CHLSN: variants seen among roughly 807,000 people sequenced by gnomAD.
The protein encoded by CHLSN is cholesin.
the CHLSN span, among the ~76,000 whole-genome samples, chr7:1,022,492 A>T: frequency 6.6e-6 from 1 of 152,214 alleles, no homozygotes; most frequent in South Asian, 2.1e-4. Context: ...TTTTAAATTA[A>T]GCCTTTTATT....
the CHLSN span, among the ~76,000 whole-genome samples, chr7:1,095,880 A>G: frequency 6.6e-6 from 1 of 152,316 alleles, no homozygotes. Context: ...ATGGGCATCG[A>G]GGGGTCACCC....
the CHLSN span, among the ~76,000 whole-genome samples, chr7:1,115,162 C>T: frequency 5.3e-5 from 8 of 152,336 alleles, no homozygotes; most frequent in African/African-American, 1.9e-4. Context: ...AAAGATATGC[C>T]TCATTTTATA....
At chr7:1,040,182 T>TA in the CHLSN span, among the ~76,000 whole-genome samples, 42 of 96,102 alleles carry the variant, frequency 4.4e-4, 2 homozygotes, top group African/African-American at 1.2e-3. Flanking sequence ...AAAAATAAAT[T>TA]TAAAAAAAAA....
At chr7:1,055,260 T>C in the CHLSN span, 4 of 471,128 alleles carry the variant, frequency 8.5e-6, no homozygotes, top group Admixed American at 9.4e-5. Flanking sequence ...GCAGAGGCCC[T>C]GCGGGGAACT....
At chr7:1,115,400 G>A in the CHLSN span, among the ~76,000 whole-genome samples, 5 of 152,256 alleles carry the variant, frequency 3.3e-5, no homozygotes, top group Non-Finnish European at 7.3e-5. Flanking sequence ...ATTTAACACA[G>A]AGAACAGGAA....
chr7:1,135,932 T>C, the CHLSN span, among the ~76,000 whole-genome samples: 1 of 122,940 alleles, frequency 8.1e-6, no homozygotes, highest in South Asian at 2.2e-4. Context: ...TATATATAAA[T>C]ATATAAGTAT....
chr7:1,137,365 A>G, the CHLSN span: 1 of 152,658 alleles, frequency 6.6e-6, no homozygotes, highest in East Asian at 1.9e-4. Flanking sequence ...TCCAGAATGG[A>G]AGTTCACTAG....
chr7:1,016,722 CACACA>C, the CHLSN span, among the ~76,000 whole-genome samples: 9 of 121,466 alleles, frequency 7.4e-5, no homozygotes, highest in African/African-American at 2.7e-4. Flanking sequence ...CGCACAGCAG[CACACA>C]GCAGCACACG....
At chr7:987,658 A>G in the CHLSN span, 1 of 950,100 alleles carries the variant, frequency 1.1e-6, no homozygotes, top group Admixed American at 2.9e-5. Flanking sequence ...ACCGGAGGCA[A>G]TAAAGGGCGT....
At chr7:1,107,231 T>G in the CHLSN span, among the ~76,000 whole-genome samples, 1 of 152,046 alleles carries the variant, frequency 6.6e-6, no homozygotes, top group Admixed American at 6.6e-5. Context: ...TGCAACCCAC[T>G]ATCCCCAAGC....
the CHLSN span, among the ~76,000 whole-genome samples, chr7:978,347 A>G: frequency 6.6e-6 from 1 of 152,126 alleles, no homozygotes; most frequent in Admixed American, 6.6e-5. Flanking sequence ...CTGAAACCCT[A>G]CGTCTATAAA....
At chr7:1,117,700 G>A in the CHLSN span, among the ~76,000 whole-genome samples, 4 of 142,192 alleles carry the variant, frequency 2.8e-5, no homozygotes, top group East Asian at 2.1e-4. Flanking sequence ...ACAGCTCTAC[G>A]GACCGGCTTC....
the CHLSN span, among the ~76,000 whole-genome samples, chr7:1,031,915 C>G: frequency 6.6e-6 from 1 of 152,002 alleles, no homozygotes; most frequent in Non-Finnish European, 1.5e-5. Context: ...GGGAACGGGC[C>G]GAGAGTGCGG....
At chr7:1,012,887 C>T in the CHLSN span, among the ~76,000 whole-genome samples, 1 of 152,250 alleles carries the variant, frequency 6.6e-6, no homozygotes, top group Non-Finnish European at 1.5e-5. Context: ...GCTCACTGTC[C>T]TGGACCAGGC....
the CHLSN span, among the ~76,000 whole-genome samples, chr7:1,042,242 A>C: frequency 6.6e-6 from 1 of 152,194 alleles, no homozygotes; most frequent in African/African-American, 2.4e-5. Context: ...CACGGCACAC[A>C]GCCACAAACA....
the CHLSN span, among the ~76,000 whole-genome samples, chr7:1,126,746 G>A: frequency 6.6e-6 from 1 of 152,144 alleles, no homozygotes; most frequent in African/African-American, 2.4e-5. Context: ...AGTGAATGGT[G>A]GTGGATACTC....
the CHLSN span, among the ~76,000 whole-genome samples, chr7:1,057,320 G>A: frequency 6.6e-6 from 1 of 152,112 alleles, no homozygotes; most frequent in Admixed American, 6.5e-5. Context: ...GACCCGAGAC[G>A]GCCATTTTTC....
the CHLSN span, among the ~76,000 whole-genome samples, chr7:1,095,883 G>A: frequency 6.6e-6 from 1 of 152,234 alleles, no homozygotes; most frequent in Admixed American, 6.5e-5. Context: ...GGCATCGAGG[G>A]GTCACCCAAG....
the CHLSN span, among the ~76,000 whole-genome samples, chr7:985,789 G>T: frequency 2.0e-5 from 3 of 152,190 alleles, no homozygotes; most frequent in Non-Finnish European, 4.4e-5. Context: ...GGTCCTCATG[G>T]TATTTGATGT....
Sources: allele counts gnomAD v4.1 joint callset (sites outside exome capture counted in the v4.1 genomes callset), GRCh38; gene constraint gnomAD v4.1.1; transcripts MANE v1.5; gene names NCBI Gene and HGNC (gene_info 2026-07-23, HGNC 2026-07-21).